The following AP1B1 variants were observed in gnomAD, a reference collection of about 807,000 sequenced individuals.
AP1B1 encodes AP-1 complex subunit beta-1.
A neutral mutation model predicts 104.3 loss-of-function variants in AP1B1; 36 were observed. That is an observed-to-expected ratio of 0.35 (90% CI 0.26 to 0.46). The LOEUF is 0.46. Ranked by LOEUF, AP1B1 falls within the 20% of genes least tolerant of loss-of-function variation. The pLI is 1.00. For missense variants in AP1B1, 901 were observed against 1,247.9 expected, an observed-to-expected ratio of 0.72 and a Z score of 4.19; for synonymous variants, 504 against 517.5, an observed-to-expected ratio of 0.97 and a Z score of 0.35.
intron 17 of AP1B1, 137 bp downstream of exon 17, chr22:29,334,128 G>C: frequency 9.9e-7 from 1 of 1,011,742 alleles, no homozygotes; most frequent in Non-Finnish European, 1.4e-6. Context: ...GCGGTGGTGG[G>C]GAACATCCTT....
intron 19 of AP1B1, 96 bp downstream of exon 19, chr22:29,331,353 G>A: frequency 8.3e-7 from 1 of 1,198,534 alleles, no homozygotes; most frequent in South Asian, 1.2e-5. Flanking sequence ...TACGGGCAAG[G>A]CAGTCCATCT....
At chr22:29,365,018 C>T (rs1035503493) in intron 2 of AP1B1, among the ~76,000 whole-genome samples, 1 of 152,118 alleles carries the variant, frequency 6.6e-6, no homozygotes, top group Non-Finnish European at 1.5e-5. Flanking sequence ...CCCTCTAAGC[C>T]CTTCTCTAAG....
At chr22:29,378,597 C>T (rs1440861056) in intron 1 of AP1B1, among the ~76,000 whole-genome samples, 1 of 147,364 alleles carries the variant, frequency 6.8e-6, no homozygotes. Context: ...CAGTGGCTCA[C>T]GCCTGTAATC....
At chr22:29,377,651 T>G (rs969917207) in intron 1 of AP1B1, among the ~76,000 whole-genome samples, 1 of 151,610 alleles carries the variant, frequency 6.6e-6, no homozygotes, top group Non-Finnish European at 1.5e-5. Flanking sequence ...CTACTAAACA[T>G]ACAAAAAAAT....
At chr22:29,346,762 G>C (rs994075290) in intron 11 of AP1B1, among the ~76,000 whole-genome samples, 1 of 151,326 alleles carries the variant, frequency 6.6e-6, no homozygotes, top group Admixed American at 6.6e-5. Flanking sequence ...GGCTGGTATT[G>C]CAAGCAAAGG....
intron 1 of AP1B1, among the ~76,000 whole-genome samples, chr22:29,372,668 C>T (rs889808072): frequency 3.3e-5 from 5 of 151,932 alleles, no homozygotes; most frequent in African/African-American, 1.2e-4. Context: ...TTTTTAGCTG[C>T]TGAAGTTAGG....
At chr22:29,335,113 T>C (rs998729295) in intron 16 of AP1B1, among the ~76,000 whole-genome samples, 2 of 152,116 alleles carry the variant, frequency 1.3e-5, no homozygotes, top group African/African-American at 4.8e-5. Flanking sequence ...AAAGGCTCTG[T>C]TTTTCTGTCT....
rs73403058 is a variant in AP1B1, at chr22:29,369,635, G to A, written c.-27-2365C>T. ...ATCCACAAAGGAAGGCCCCGCATGC[G>A]CCAGGCTCACAGCTCCCGTTCGCCC... On this transcript the variant is annotated intron_variant, in intron 1 of 22. Transcript: ENST00000357586. Among the ~76,000 whole-genome samples, 807 of 152,266 alleles carry A rather than the reference G, an allele frequency of 5.3e-3. 6 individuals are homozygous for A. Among genetic ancestry groups the A allele is most frequent in the African/African-American group, 0.018 (766 of 41,542 alleles).
chr22:29,347,431 G>A (rs1269937213), intron 11 of AP1B1, among the ~76,000 whole-genome samples: 1 of 152,298 alleles, frequency 6.6e-6, no homozygotes, highest in South Asian at 2.1e-4. Context: ...AGAAACTGAG[G>A]CTCAGAGAGT....
chr22:29,352,870 G>A (rs8140836), intron 7 of AP1B1, among the ~76,000 whole-genome samples: 32,836 of 152,046 alleles, frequency 0.22, 3,784 homozygotes, highest in Non-Finnish European at 0.25. Context: ...CGACCTAATC[G>A]GCCTGCTGTG....
chr22:29,380,201 G>C (rs2062414991), intron 1 of AP1B1, among the ~76,000 whole-genome samples: 1 of 152,148 alleles, frequency 6.6e-6, no homozygotes, highest in Admixed American at 6.5e-5. Context: ...ATGCTAGGAT[G>C]CCATGCTCTC....
chr22:29,355,173 G>A (rs2061936521), intron 6 of AP1B1, among the ~76,000 whole-genome samples: 1 of 151,882 alleles, frequency 6.6e-6, no homozygotes, highest in African/African-American at 2.4e-5. Flanking sequence ...GGAGGTGGAG[G>A]TTACAGTGAG....
intron 22 of AP1B1, chr22:29,329,355 CTT>C (rs975859018): frequency 8.3e-7 from 1 of 1,209,504 alleles, no homozygotes; most frequent in Non-Finnish European, 1.0e-6. Flanking sequence ...ACGGTAGAGA[CTT>C]TGCCTCCGCT....
intron 4 of AP1B1, chr22:29,359,567 G>T: frequency 2.5e-6 from 1 of 396,124 alleles, no homozygotes; most frequent in Non-Finnish European, 4.5e-6. Context: ...ATGCAGGGCA[G>T]GGTCCAATCA....
intron 9 of AP1B1, 147 bp from the exon 10 acceptor site, chr22:29,350,297 G>C (rs2061855095): frequency 1.6e-6 from 1 of 637,906 alleles, no homozygotes; most frequent in Admixed American, 2.3e-5. Context: ...CCTCTCCCCA[G>C]GTAACAGGAG....
intron 1 of AP1B1, chr22:29,370,628 C>G (rs2062219219): frequency 6.6e-6 from 1 of 152,098 alleles, no homozygotes; most frequent in Non-Finnish European, 1.5e-5. Context: ...CCCTAAATTC[C>G]CAGGACGCAA....
chr22:29,332,153 C>G (rs2061571487), intron 17 of AP1B1: 1 of 446,852 alleles, frequency 2.2e-6, no homozygotes, highest in Non-Finnish European at 4.0e-6. Context: ...CCCAGCCTGG[C>G]TGCAGGCCTG....
At chr22:29,336,973 T>G (rs1003799363) in intron 16 of AP1B1, among the ~76,000 whole-genome samples, 1 of 152,210 alleles carries the variant, frequency 6.6e-6, no homozygotes, top group African/African-American at 2.4e-5. Flanking sequence ...TTTGTATGCC[T>G]GTGATATTGG....
At chr22:29,383,729 T>C (rs2062475338) in intron 1 of AP1B1, among the ~76,000 whole-genome samples, 2 of 150,172 alleles carry the variant, frequency 1.3e-5, no homozygotes, top group South Asian at 4.2e-4. Flanking sequence ...GACCTGACTT[T>C]CAAACCTACC....
Sources: gnomAD v4.1 joint callset for allele counts (sites outside exome capture counted in the v4.1 genomes callset) on GRCh38, gnomAD v4.1.1 for gene constraint, MANE v1.5 for transcripts, NCBI Gene and HGNC (gene_info 2026-07-23, HGNC 2026-07-21) for gene names.